Variants in CACNA1I observed in about 807,000 individuals in gnomAD.
The protein encoded by CACNA1I is voltage-dependent T-type calcium channel subunit alpha-1I.
A neutral mutation model predicts 201.6 loss-of-function variants in CACNA1I; 74 were observed. The observed-to-expected ratio is 0.37, with a 90% CI of 0.30 to 0.45. The LOEUF (loss-of-function observed/expected upper bound fraction) is 0.45. CACNA1I is among the 20% of genes least tolerant of loss of function. The pLI, the probability that CACNA1I is intolerant of heterozygous loss-of-function variation, is 1.00. For missense variants in CACNA1I, 2,346 were observed against 3,138.1 expected (o/e 0.75, Z 6.03); for synonymous variants, 1,431 against 1,345.2 (o/e 1.06, Z -1.40).
intron 3 of CACNA1I, among the ~76,000 whole-genome samples, chr22:39,604,726 A>G (rs1456205633): frequency 2.0e-5 from 3 of 150,606 alleles, no homozygotes; most frequent in Non-Finnish European, 2.9e-5. Flanking sequence ...CTACAGGCAC[A>G]TGCCCCATGC....
At chr22:39,622,380 G>T (rs1933770904) in intron 4 of CACNA1I, among the ~76,000 whole-genome samples, 1 of 151,748 alleles carries the variant, frequency 6.6e-6, no homozygotes, top group Non-Finnish European at 1.5e-5. Context: ...TAGGTGGAGG[G>T]GGAGGGCTGG....
Position 39,687,973 on chromosome 22 carries a change from C to A in CACNA1I, c.*1568C>A, listed in dbSNP as rs1235798730. The A allele has an allele frequency of 4.0e-5, 6 of 151,542 alleles. No homozygotes were observed. The highest frequency in any genetic ancestry group is 1.5e-4 in the African/African-American group (6 of 40,818). 9.4% of individuals were successfully genotyped at this position (151,542 alleles called of 1,614,324 possible). On this transcript the variant is annotated 3_prime_UTR_variant, in exon 37 of 37. Transcript: ENST00000402142. ...ATAACCTTGCCTTTGCTAAGACCCCCTCCGAGGGCTTCAGGGGGGCCTGCC... is the reference window on the plus strand; with the variant it reads ...ATAACCTTGCCTTTGCTAAGACCCCATCCGAGGGCTTCAGGGGGGCCTGCC...
chr22:39,669,436 C>T (rs941789213), intron 24 of CACNA1I, among the ~76,000 whole-genome samples: 4 of 152,308 alleles, frequency 2.6e-5, no homozygotes, highest in East Asian at 1.9e-4. Flanking sequence ...CTCTGCTGGC[C>T]GCCTTGTTTT....
chr22:39,668,154 A>C, intron 23 of CACNA1I, 138 bp from the exon 24 acceptor site: 1 of 609,986 alleles, frequency 1.6e-6, no homozygotes, highest in Non-Finnish European at 3.0e-6. Flanking sequence ...GGACGAGGGC[A>C]CAGCTCTGCC....
intron 26 of CACNA1I, among the ~76,000 whole-genome samples, chr22:39,671,293 C>A (rs1297644503): frequency 6.6e-6 from 1 of 152,184 alleles, no homozygotes; most frequent in Non-Finnish European, 1.5e-5. Flanking sequence ...ATCCTCGCAG[C>A]AATCCTAAGG....
At chr22:39,671,798 T>C (rs1056827547) in intron 26 of CACNA1I, among the ~76,000 whole-genome samples, 2 of 152,224 alleles carry the variant, frequency 1.3e-5, no homozygotes, top group African/African-American at 2.4e-5. Flanking sequence ...CCAAGTATTA[T>C]TCTGTTTCCA....
chr22:39,589,886 C>T (rs1197099958), intron 1 of CACNA1I, among the ~76,000 whole-genome samples: 3 of 152,146 alleles, frequency 2.0e-5, no homozygotes, highest in Non-Finnish European at 2.9e-5. Flanking sequence ...ACAACTGAAA[C>T]GCACCCTGGG....
In CACNA1I at chr22:39,685,704, A is replaced by AGGTTGCTG; in HGVS notation, c.6028-54_6028-47dup. On this transcript the variant is annotated intron_variant, in intron 36 of 36. Coordinates refer to ENST00000402142, the MANE Select transcript of CACNA1I (RefSeq NM_021096.4). The surrounding 1 kb of genome is among the most constrained non-coding windows in gnomAD (Gnocchi z 5.0). ...TGCTGTGCGGGGGAGGGCGGCGTCC[A>AGGTTGCTG]GGTTGCTGGGGTGGGGGCCGACACA... The AGGTTGCTG allele has an allele frequency of 7.4e-7, 1 of 1,346,672 alleles. No homozygotes were observed. Among genetic ancestry groups the AGGTTGCTG allele is most frequent in the South Asian group, 1.6e-5 (1 of 61,994 alleles). 83.4% of individuals were successfully genotyped at this position (1,346,672 alleles called of 1,614,324 possible). A position where few individuals can be genotyped will look rare whatever the true frequency, so the allele number is the denominator to read the frequency against.
intron 15 of CACNA1I, 145 bp from the exon 16 acceptor site, chr22:39,660,963 A>G: frequency 1.4e-6 from 1 of 695,530 alleles, no homozygotes; most frequent in Non-Finnish European, 2.5e-6. Flanking sequence ...GGGTGCAACC[A>G]GGAAGACTTC....
At chr22:39,592,205 T>A (rs2145818205) in intron 1 of CACNA1I, among the ~76,000 whole-genome samples, 1 of 152,308 alleles carries the variant, frequency 6.6e-6, no homozygotes, top group South Asian at 2.1e-4. Flanking sequence ...ATTGATTGCA[T>A]CACCATTGAT....
rs942465126 is a variant in CACNA1I, at chr22:39,684,494, G to A, written c.6023G>A (p.Arg2008Gln). The A allele has an allele frequency of 1.4e-5, 22 of 1,612,096 alleles. No individual in the cohort carries two copies. Among genetic ancestry groups the A allele is most frequent in the Admixed American group, 8.3e-5 (5 of 59,906 alleles). ...RSPRVNCTLL[R>Q]QATGSDTSLD... Reference sequence around the variant, plus strand: ...CCAAGGGTCAACTGTACCCTCCTCCGGCAGGTACCGACACCTCCCAGGCCC... The same window carrying A: ...CCAAGGGTCAACTGTACCCTCCTCCAGCAGGTACCGACACCTCCCAGGCCC... Residue 2008 changes from arginine to glutamine, a missense_variant, in exon 36 of 37, where the codon CGG (arginine) becomes CAG (glutamine). By Grantham distance (43) the Arg-to-Gln change is conservative (BLOSUM62 1). Coordinates refer to ENST00000402142, the MANE Select transcript of CACNA1I (RefSeq NM_021096.4). The surrounding 1 kb of genome is among the most constrained non-coding windows in gnomAD (Gnocchi z 4.6).
chr22:39,668,165 AC>A (rs1935253959), intron 23 of CACNA1I, 126 bp from the exon 24 acceptor site: 1 of 640,618 alleles, frequency 1.6e-6, no homozygotes, highest in Admixed American at 2.4e-5. Flanking sequence ...CAGCTCTGCC[AC>A]ACAGAGAAGA....
Position 39,686,498 on chromosome 22 carries a change from C to A in CACNA1I, c.*93C>A. ...GCAGACAGCAATACTTCGTCCACAC[C>A]TGGGATCGCGCAGGGCCCGCAGGGC... On this transcript the variant is annotated 3_prime_UTR_variant, in exon 37 of 37. Transcript: ENST00000402142. 1.0e-6 allele frequency: 1 copy of A among 990,650 alleles called. No individual in the cohort carries two copies. Among genetic ancestry groups the A allele is most frequent in the Non-Finnish European group, 1.3e-6 (1 of 776,136 alleles). The allele number at this position is 990,650 out of a possible 1,614,324, so 61.4% of individuals were successfully genotyped here.
chr22:39,642,672 C>G, intron 6 of CACNA1I, 125 bp from the exon 7 acceptor site: 1 of 663,406 alleles, frequency 1.5e-6, no homozygotes, highest in Non-Finnish European at 2.7e-6. Context: ...CCCTGTGAGA[C>G]AGACTCGAGG....
At chr22:39,599,760 C>T (rs895918286) in intron 2 of CACNA1I, among the ~76,000 whole-genome samples, 1 of 152,174 alleles carries the variant, frequency 6.6e-6, no homozygotes, top group African/African-American at 2.4e-5. Flanking sequence ...CCTGGTTAGC[C>T]TCATGGTGAG....
At chr22:39,596,744 C>T (rs1339731607) in intron 1 of CACNA1I, among the ~76,000 whole-genome samples, 2 of 151,854 alleles carry the variant, frequency 1.3e-5, no homozygotes, top group Non-Finnish European at 2.9e-5. Context: ...CCCAGGGGGC[C>T]GATGGGGAGG....
chr22:39,593,126 C>T (rs1173298888), intron 1 of CACNA1I, among the ~76,000 whole-genome samples: 1 of 151,664 alleles, frequency 6.6e-6, no homozygotes, highest in African/African-American at 2.4e-5. Context: ...CTCCATCTGC[C>T]TCCTGCGGGG....
rs139935575 is a variant in CACNA1I at position 39,673,902 on chromosome 22, G to T, written c.4784-61G>T. On this transcript the variant is annotated intron_variant, in intron 28 of 36. Coordinates refer to ENST00000402142, the MANE Select transcript of CACNA1I (RefSeq NM_021096.4). ...CAAGTTTACACACGTGCACACATGCGTGCACACACACGTCCCCACCGGCCT... is the reference window on the plus strand; with the variant it reads ...CAAGTTTACACACGTGCACACATGCTTGCACACACACGTCCCCACCGGCCT... The T allele has an allele frequency of 2.5e-4, 385 of 1,520,692 alleles. 3 individuals carry two copies. The African/African-American group carries it at 4.8e-3, about 19-fold the overall frequency. 94.2% of individuals were successfully genotyped at this position (1,520,692 alleles called of 1,614,324 possible). A position where few individuals can be genotyped will look rare whatever the true frequency, so the allele number is the denominator to read the frequency against.
chr22:39,684,627 G>A lies in CACNA1I; in HGVS notation c.6027+129G>A. 9.9e-7 allele frequency: 1 copy of A among 1,011,608 alleles called. No homozygotes were observed. The allele number at this position is 1,011,608 out of a possible 1,614,324, so 62.7% of individuals were successfully genotyped here. A position where few individuals can be genotyped will look rare whatever the true frequency, so the allele number is the denominator to read the frequency against. The stretch of plus-strand genomic sequence containing the variant: ...AAGGCCGAGGGCACCACCGTGCAAG[G>A]GGGTTTGGGAACGCTGGGGTGACGC... On this transcript the variant is annotated intron_variant, in intron 36 of 36. Coordinates refer to ENST00000402142, the MANE Select transcript of CACNA1I (RefSeq NM_021096.4). This position sits in a 1 kb window ranked among gnomAD's most constrained non-coding sequence, Gnocchi z 4.6.
Sources: allele counts gnomAD v4.1 joint callset (sites outside exome capture counted in the v4.1 genomes callset), GRCh38; gene constraint gnomAD v4.1.1; non-coding constraint Gnocchi (gnomAD v3.1); transcripts MANE v1.5; gene names NCBI Gene and HGNC (gene_info 2026-07-23, HGNC 2026-07-21).